Variants in B3GALNT2 observed in about 807,000 individuals in gnomAD.
B3GALNT2 encodes UDP-GalNAc:beta-1,3-N-acetylgalactosaminyltransferase 2.
In B3GALNT2, 53 loss-of-function variants were observed where a neutral mutation model predicts 61.1. The observed-to-expected ratio is 0.87, with a 90% CI of 0.70 to 1.09. The LOEUF is 1.09. B3GALNT2 is among the 50% of genes least tolerant of loss of function. The pLI is 0.00. For synonymous variants in B3GALNT2, 223 were observed against 237.4 expected, an observed-to-expected ratio of 0.94 and a Z score of 0.56; for missense variants, 544 against 623.0, an observed-to-expected ratio of 0.87 and a Z score of 1.35.
rs202067569 is a variant in B3GALNT2 at position 235,450,336 on chromosome 1, C to T, written c.1373G>A (p.Ser458Asn). Reference protein sequence around the residue: ...AAIGPKRYQDSLWLCEKTCET... With the variant: ...AAIGPKRYQDNLWLCEKTCET... ...ACAGGTCTTCTCACACAGCCACAGA[C>T]TGTCCTGTTGAGAAACAACCAAAGC... The change falls in exon 12 of 12, where the codon AGT becomes AAT. Residue 458 changes from serine (S) to asparagine (N), a missense_variant. Coordinates refer to ENST00000366600, the MANE Select transcript of B3GALNT2 (RefSeq NM_152490.5). The T allele has an allele frequency of 1.1e-4, 174 of 1,613,932 alleles. No individual in the cohort carries two copies. Among genetic ancestry groups the T allele is most frequent in the Non-Finnish European group, 1.3e-4 (155 of 1,179,954 alleles).
In B3GALNT2 at chr1:235,465,489, T is replaced by G. The variant is rs912300548; in HGVS notation, c.841+147A>C. 1.1e-5 allele frequency: 14 copies of G among 1,266,500 alleles called. No individual in the cohort carries two copies. The Admixed American group carries it at 3.9e-4, about 35-fold the overall frequency. 78.5% of individuals were successfully genotyped at this position (1,266,500 alleles called of 1,614,324 possible). On this transcript the variant is annotated intron_variant, in intron 7 of 11. Coordinates refer to ENST00000366600, the MANE Select transcript of B3GALNT2 (RefSeq NM_152490.5). ...CGGTTGTAGAACTCTAAGAATACAC[T>G]AAAACCACTGAACCACTTTAAAAGG...
the B3GALNT2 span, among the ~76,000 whole-genome samples, chr1:235,439,805 C>CT: frequency 2.7e-5 from 4 of 150,320 alleles, no homozygotes; most frequent in African/African-American, 4.9e-5. Context: ...ATTTCTTTTT[C>CT]TTTTTTTTTC....
intron 3 of B3GALNT2, 125 bp downstream of exon 3, chr1:235,489,043 C>T: frequency 7.8e-7 from 1 of 1,278,474 alleles, no homozygotes; most frequent in Admixed American, 2.9e-5. Context: ...GAGCAAGACC[C>T]TGTCTCTAAA....
At chr1:235,499,699 G>A (rs1685499617) in intron 1 of B3GALNT2, among the ~76,000 whole-genome samples, 1 of 152,190 alleles carries the variant, frequency 6.6e-6, no homozygotes, top group South Asian at 2.1e-4. Context: ...GTTTAACAAA[G>A]TATAGATAGC....
rs1685730083 is a variant in B3GALNT2, at chr1:235,504,226, G to A, written c.27C>T (p.Cys9=). 2.0e-6 allele frequency: 3 copies of A among 1,477,926 alleles called. No individual in the cohort carries two copies. Among genetic ancestry groups the A allele is most frequent in the Non-Finnish European group, 1.8e-6 (2 of 1,121,326 alleles). The allele number at this position is 1,477,926 out of a possible 1,614,324, so 91.6% of individuals were successfully genotyped here. The change falls in exon 1 of 12, where the codon TGC becomes TGT. Residue 9 remains cysteine, a synonymous_variant. Coordinates refer to ENST00000366600, the MANE Select transcript of B3GALNT2 (RefSeq NM_152490.5). Reference sequence around the variant, plus strand: ...GCAGCGCGGCCCCGAGCACACACGGGCACAGCAGCACCAGCCAGTTTCGCA... The same window carrying A: ...GCAGCGCGGCCCCGAGCACACACGGACACAGCAGCACCAGCCAGTTTCGCA... MRNWLVLL[C]PCVLGAALHL...
At chr1:235,455,454 T>C in intron 9 of B3GALNT2, 105 bp downstream of exon 9, 1 of 1,254,130 alleles carries the variant, frequency 8.0e-7, no homozygotes, top group Non-Finnish European at 1.1e-6. Context: ...TAGTACGAAA[T>C]TGTATATCTC....
At chr1:235,490,417 G>A (rs1685008652) in intron 2 of B3GALNT2, among the ~76,000 whole-genome samples, 1 of 152,126 alleles carries the variant, frequency 6.6e-6, no homozygotes, top group Admixed American at 6.5e-5. Flanking sequence ...TTTTAGTAGA[G>A]ACGGGATTTC....
chr1:235,441,743 T>A, the B3GALNT2 span: 1 of 1,413,346 alleles, frequency 7.1e-7, no homozygotes, highest in Non-Finnish European at 1.0e-6. Context: ...ATCCTTTGTT[T>A]GTTTGTTTGT....
At chr1:235,461,214 ATGACT>A (rs1305822407) in intron 7 of B3GALNT2, among the ~76,000 whole-genome samples, 1 of 152,210 alleles carries the variant, frequency 6.6e-6, no homozygotes, top group Non-Finnish European at 1.5e-5. Context: ...TCTGCCTCTC[ATGACT>A]TGTGAGATAC....
chr1:235,484,279 G>C (rs1684693449), intron 4 of B3GALNT2, 43 bp downstream of exon 4: 4 of 1,526,634 alleles, frequency 2.6e-6, no homozygotes, highest in Non-Finnish European at 3.5e-6. Context: ...TGATGTTTTT[G>C]AAAAAGAAAA....
chr1:235,488,719 A>C lies in B3GALNT2; in HGVS notation c.361+449T>G, dbSNP rs1015914444. Reference sequence around the variant, plus strand: ...AAAAAAAAAAAAAAAAAAAAAAAAAAAAGATGAGACATAAATTTGGATGAA... The same window carrying C: ...AAAAAAAAAAAAAAAAAAAAAAAAACAAGATGAGACATAAATTTGGATGAA... On this transcript the variant is annotated intron_variant, in intron 3 of 11. Transcript: ENST00000366600. 2.0e-4 allele frequency among the ~76,000 whole-genome samples: 27 copies of C among 136,020 alleles called. 1 individual carries two copies. The highest frequency in any genetic ancestry group is 3.8e-3 in the Middle Eastern group (1 of 264). The allele number at this position is 136,020 out of a possible 152,430, so 89.2% of individuals were successfully genotyped here.
At chr1:235,491,653 C>T (rs562296457) in intron 2 of B3GALNT2, among the ~76,000 whole-genome samples, 1 of 152,240 alleles carries the variant, frequency 6.6e-6, no homozygotes, top group African/African-American at 2.4e-5. Context: ...CCATTTTCTA[C>T]ATTCAATGAC....
chr1:235,459,722 T>TC (rs1343279390), intron 7 of B3GALNT2, among the ~76,000 whole-genome samples: 2 of 152,152 alleles, frequency 1.3e-5, no homozygotes, highest in Non-Finnish European at 2.9e-5. Flanking sequence ...GGCACCCCCT[T>TC]TGAGGAGAGG....
chr1:235,457,119 TAAA>T, intron 8 of B3GALNT2, among the ~76,000 whole-genome samples: 1 of 151,470 alleles, frequency 6.6e-6, no homozygotes, highest in East Asian at 1.9e-4. Context: ...AAAAAATAAA[TAAA>T]TAAATAAATA....
downstream of B3GALNT2, among the ~76,000 whole-genome samples, chr1:235,447,127 T>TATC (rs1221398917): frequency 3.3e-5 from 5 of 152,212 alleles, no homozygotes; most frequent in African/African-American, 7.2e-5. Context: ...AGGACTAGAC[T>TATC]ATCACATATT....
rs966310838 is a variant in B3GALNT2, at chr1:235,496,309, C to T, written c.113-1481G>A. The stretch of plus-strand genomic sequence containing the variant: ...CTGGGCAACAAGAGTGAGACTCCAC[C>T]TGAAAAAAAAAAAAAAGTTCCATTC... On this transcript the variant is annotated intron_variant, in intron 1 of 11. Transcript: ENST00000366600. 1.3e-5 allele frequency: 11 copies of T among 843,706 alleles called. No individual in the cohort carries two copies. In the African/African-American group the frequency reaches 2.1e-4, roughly 16 times the overall value. The allele number at this position is 843,706 out of a possible 1,614,324, so 52.3% of individuals were successfully genotyped here. A position where few individuals can be genotyped will look rare whatever the true frequency, so the allele number is the denominator to read the frequency against.
At chr1:235,503,992 A>C (rs1429780647) in intron 1 of B3GALNT2, 149 bp downstream of exon 1, 1 of 899,610 alleles carries the variant, frequency 1.1e-6, no homozygotes, top group East Asian at 3.9e-5. Context: ...TTAACGCTCC[A>C]AGGATGAAAA....
intron 6 of B3GALNT2, among the ~76,000 whole-genome samples, chr1:235,469,167 T>C (rs1384158636): frequency 1.3e-5 from 2 of 152,252 alleles, no homozygotes; most frequent in African/African-American, 4.8e-5. Flanking sequence ...CCATTGTTTC[T>C]GCCTTACCAC....
chr1:235,456,757 C>T (rs536407043), intron 8 of B3GALNT2, among the ~76,000 whole-genome samples: 2 of 152,162 alleles, frequency 1.3e-5, no homozygotes, highest in Non-Finnish European at 2.9e-5. Flanking sequence ...GATACTTCCA[C>T]GCCTAGGAAA....
Sources: allele counts gnomAD v4.1 joint callset (sites outside exome capture counted in the v4.1 genomes callset), GRCh38; gene constraint gnomAD v4.1.1; transcripts MANE v1.5; gene names NCBI Gene and HGNC (gene_info 2026-07-23, HGNC 2026-07-21).